The following FRMD4A variants were observed in gnomAD, a reference collection of about 807,000 sequenced individuals.
FRMD4A encodes the protein FERM domain containing 4A.
Under a neutral mutation model 129.1 loss-of-function variants are expected in FRMD4A, and 29 were observed. The observed-to-expected ratio is 0.22, with a 90% CI of 0.17 to 0.31. The LOEUF is 0.31. FRMD4A is among the 10% of genes least tolerant of loss of function. FRMD4A has a pLI of 1.00. For synonymous variants in FRMD4A, 634 were observed against 571.6 expected, an observed-to-expected ratio of 1.11 and a Z score of -1.56; for missense variants, 1,272 against 1,375.8, an observed-to-expected ratio of 0.92 and a Z score of 1.19.
At chr10:13,731,888 C>T (rs181516246) in intron 12 of FRMD4A, among the ~76,000 whole-genome samples, 29 of 152,176 alleles carry the variant, frequency 1.9e-4, no homozygotes, top group African/African-American at 5.3e-4. Context: ...AGAAGTTCAA[C>T]GTCTCTGAAC....
intron 2 of FRMD4A, among the ~76,000 whole-genome samples, chr10:14,029,544 C>T (rs1018293671): frequency 4.9e-4 from 74 of 152,136 alleles, no homozygotes; most frequent in African/African-American, 1.8e-3. Context: ...TTCCTTGAAC[C>T]ATTTTCCTGT....
At chr10:13,909,124 T>G (rs1387868361) in intron 2 of FRMD4A, among the ~76,000 whole-genome samples, 3 of 152,236 alleles carry the variant, frequency 2.0e-5, no homozygotes, top group African/African-American at 7.2e-5. Context: ...TTACATATCT[T>G]TTTCCTCTGG....
At chr10:13,904,214 C>G (rs2094853711) in intron 2 of FRMD4A, among the ~76,000 whole-genome samples, 1 of 148,464 alleles carries the variant, frequency 6.7e-6, no homozygotes, top group African/African-American at 2.5e-5. Context: ...GCCTCACCAA[C>G]CACTATTTCC....
intron 2 of FRMD4A, among the ~76,000 whole-genome samples, chr10:14,011,184 A>G (rs2095681002): frequency 1.3e-5 from 2 of 152,240 alleles, no homozygotes; most frequent in African/African-American, 4.8e-5. Context: ...AGGAAGATAC[A>G]TCCATTGAAC....
At position 14,259,732 on chromosome 10, in the gene FRMD4A, C is replaced by T. The variant is rs116385684; in HGVS notation, c.45+70326G>A. Among the ~76,000 whole-genome samples, 294 of 152,196 alleles carry T rather than the reference C, an allele frequency of 1.9e-3. 2 individuals are homozygous for T. The highest frequency in any genetic ancestry group is 6.9e-3 in the African/African-American group (286 of 41,528). On this transcript the variant is annotated intron_variant, in intron 2 of 24. Transcript: ENST00000357447. ...TACATGCACAAAGAGTTGGTTGCACCTTCCAGGTCTCCTTCTCTATTGACT... is the reference window on the plus strand; with the variant it reads ...TACATGCACAAAGAGTTGGTTGCACTTTCCAGGTCTCCTTCTCTATTGACT...
At chr10:13,767,548 A>G (rs80155276) in intron 6 of FRMD4A, among the ~76,000 whole-genome samples, 3,120 of 152,312 alleles carry the variant, frequency 0.02, 94 homozygotes, top group South Asian at 0.12. Context: ...CAGAGGTGGC[A>G]TCTTTCATGG....
intron 2 of FRMD4A, among the ~76,000 whole-genome samples, chr10:14,319,339 ATC>A (rs1846878158): frequency 1.4e-5 from 1 of 73,796 alleles, no homozygotes; most frequent in Non-Finnish European, 2.9e-5. Context: ...GTAACTGAAT[ATC>A]TCTCTCTCCT....
At chr10:14,015,912 G>A (rs58761506) in intron 2 of FRMD4A, among the ~76,000 whole-genome samples, 1 of 152,204 alleles carries the variant, frequency 6.6e-6, no homozygotes, top group African/African-American at 2.4e-5. Flanking sequence ...AGAGACTGAA[G>A]TAACTCACTC....
intron 2 of FRMD4A, among the ~76,000 whole-genome samples, chr10:14,234,235 AC>A (rs11309957): frequency 6.0e-4 from 64 of 107,142 alleles, no homozygotes; most frequent in Middle Eastern, 5.0e-3. Flanking sequence ...AAAAAAAAAA[AC>A]CCATCAGTGG....
chr10:14,087,418 A>G (rs1836353425), intron 2 of FRMD4A: 1 of 151,230 alleles, frequency 6.6e-6, no homozygotes, highest in Non-Finnish European at 1.5e-5. Context: ...TTGGGTTGAG[A>G]AGGAAGATAC....
chr10:14,096,398 T>C (rs561791440), intron 2 of FRMD4A, among the ~76,000 whole-genome samples: 310 of 152,346 alleles, frequency 2.0e-3, no homozygotes, highest in South Asian at 3.7e-3. Context: ...CAGCCTGAAC[T>C]GACTAAGCCA....
In FRMD4A at chr10:14,174,251, C is replaced by A. The variant is rs1841617308; in HGVS notation, c.45+155807G>T. ...CTGGAGAAGCCTGCTCCTCTCCTCG[C>A]CCTGGTCCCCTCTCTCTTTCTCCCT... On this transcript the variant is annotated intron_variant, in intron 2 of 24. Transcript: ENST00000357447. Among the ~76,000 whole-genome samples, 3 of 152,084 alleles carry A rather than the reference C, an allele frequency of 2.0e-5. No individual in the cohort carries two copies. In the South Asian group the frequency reaches 6.2e-4, roughly 32 times the overall value.
At chr10:13,772,212 T>A (rs1319233693) in intron 6 of FRMD4A, among the ~76,000 whole-genome samples, 1 of 145,592 alleles carries the variant, frequency 6.9e-6, no homozygotes, top group Admixed American at 6.9e-5. Flanking sequence ...AATATTTATT[T>A]ATTATTATTA....
At chr10:13,931,268 A>C (rs1296989585) in intron 2 of FRMD4A, among the ~76,000 whole-genome samples, 1 of 152,218 alleles carries the variant, frequency 6.6e-6, no homozygotes, top group East Asian at 1.9e-4. Flanking sequence ...AGTCAAGGCC[A>C]AGGCAGAACC....
At chr10:13,664,068 A>G (rs1564550790) in intron 18 of FRMD4A, among the ~76,000 whole-genome samples, 1 of 152,224 alleles carries the variant, frequency 6.6e-6, no homozygotes, top group East Asian at 1.9e-4. Flanking sequence ...GAACACACCC[A>G]AAAGGGAGAT....
chr10:13,795,094 T>C (rs1435646438), intron 5 of FRMD4A, among the ~76,000 whole-genome samples: 1 of 152,148 alleles, frequency 6.6e-6, no homozygotes, highest in African/African-American at 2.4e-5. Context: ...TTGGTGAACA[T>C]CACCAGGGAG....
Position 13,675,028 on chromosome 10 carries a change from A to G in FRMD4A, c.1134T>C (p.Asp378=), listed in dbSNP as rs1418467357. ...TGTCCTTCTTGGCCGACTGCGAGCT[A>G]TCTGATTCCTGAGAACCTGTCGATA... ...SLLSSGSQES[D]SSQSAKKDML... is the part of the protein sequence containing the mutation. Residue 378 remains aspartate, a synonymous_variant, in exon 16 of 25, where the codon GAT becomes GAC. Transcript: ENST00000357447. 6.2e-7 allele frequency: 1 copy of G among 1,613,410 alleles called. No homozygotes were observed. Among genetic ancestry groups the G allele is most frequent in the Non-Finnish European group, 8.5e-7 (1 of 1,179,984 alleles).
chr10:14,057,653 C>T (rs1565217983), intron 2 of FRMD4A, among the ~76,000 whole-genome samples: 2 of 152,162 alleles, frequency 1.3e-5, no homozygotes. Flanking sequence ...TCACCACAAC[C>T]TCCGCCTCCT....
intron 2 of FRMD4A, among the ~76,000 whole-genome samples, chr10:14,055,995 C>T (rs1340038979): frequency 2.0e-5 from 3 of 152,098 alleles, no homozygotes; most frequent in Non-Finnish European, 4.4e-5. Flanking sequence ...AGTGCAGTGG[C>T]GCGATCTCGG....
Sources: gnomAD v4.1 joint callset for allele counts (sites outside exome capture counted in the v4.1 genomes callset) on GRCh38, gnomAD v4.1.1 for gene constraint, MANE v1.5 for transcripts, NCBI Gene and HGNC (gene_info 2026-07-23, HGNC 2026-07-21) for gene names.